SPIRE2: variants seen among roughly 807,000 people sequenced by gnomAD.
SPIRE2 encodes the protein protein spire homolog 2.
A neutral mutation model predicts 80.7 loss-of-function variants in SPIRE2; 76 were observed. The observed-to-expected ratio is 0.94, with a 90% confidence interval of 0.78 to 1.14. The LOEUF (loss-of-function observed/expected upper bound fraction) is 1.14, where lower values mean the gene tolerates loss of function less well. SPIRE2 is among the 50% of genes most tolerant of loss of function. The probability of loss-of-function intolerance (pLI) is 0.00; values close to 1 mark genes in which losing one functional copy is unlikely to be tolerated. For missense variants in SPIRE2, 1,196 were observed against 1,015.3 expected (o/e 1.18, Z -2.42); for synonymous variants, 535 against 432.6 (o/e 1.24, Z -2.94).
At chr16:89,858,609 G>A (rs12932452) in intron 8 of SPIRE2, 102 bp downstream of exon 8, 3 of 1,173,444 alleles carry the variant, frequency 2.6e-6, no homozygotes, top group Admixed American at 3.0e-5. Context: ...AGCAATTGCG[G>A]TGTCTCCTGT....
chr16:89,836,455 C>T (rs527867722), intron 1 of SPIRE2: 312 of 315,226 alleles, frequency 9.9e-4, no homozygotes, highest in Non-Finnish European at 1.7e-3. Flanking sequence ...CGTCTCTCTC[C>T]ATCCTCCCTT....
At position 89,842,208 on chromosome 16, in the gene SPIRE2, A is replaced by ATTTTTTTTTTTTTTTTTTTT. The variant is rs71137682; in HGVS notation, c.245-3111_245-3092dup. On this transcript the variant is annotated intron_variant, in intron 1 of 14. Transcript: ENST00000378247. ...ATACAATTAGATTCATGAACACGTA[A>ATTTTTTTTTTTTTTTTTTTT]TTTTTTTTTTTTTTTTTTTTTTGTG... 8.9e-4 allele frequency among the ~76,000 whole-genome samples: 72 copies of ATTTTTTTTTTTTTTTTTTTT among 81,306 alleles called. 16 individuals carry two copies. The highest frequency in any genetic ancestry group is 3.8e-3 in the East Asian group (6 of 1,566). 53.3% of individuals were successfully genotyped at this position (81,306 alleles called of 152,430 possible).
chr16:89,866,061 A>C (rs2041786882), intron 12 of SPIRE2, among the ~76,000 whole-genome samples: 1 of 149,932 alleles, frequency 6.7e-6, no homozygotes, highest in Non-Finnish European at 1.5e-5. Flanking sequence ...AGGTGGGAGG[A>C]TCACTTGAGC....
intron 13 of SPIRE2, 31 bp downstream of exon 13, chr16:89,868,247 A>T (rs753411446): frequency 4.3e-6 from 7 of 1,612,878 alleles, no homozygotes; most frequent in Non-Finnish European, 5.9e-6. Context: ...CTGGGGTCTG[A>T]GCAAGGCAGA....
intron 7 of SPIRE2, 113 bp downstream of exon 7, chr16:89,856,349 C>A: frequency 8.8e-7 from 1 of 1,137,744 alleles, no homozygotes; most frequent in Non-Finnish European, 1.2e-6. Flanking sequence ...GCGCCTGAAC[C>A]CATGGAAGAC....
At chr16:89,844,781 C>T (rs1448909141) in intron 1 of SPIRE2, among the ~76,000 whole-genome samples, 1 of 152,186 alleles carries the variant, frequency 6.6e-6, no homozygotes, top group African/African-American at 2.4e-5. Context: ...CAGGGGCTTA[C>T]TATGTTGTCC....
intron 12 of SPIRE2, among the ~76,000 whole-genome samples, chr16:89,865,965 C>CA (rs376787173): frequency 0.33 from 18,839 of 57,256 alleles, 3,243 homozygotes; most frequent in Middle Eastern, 0.42. Flanking sequence ...GAGACTGTCT[C>CA]AAAAAAAAAA....
In SPIRE2 at chr16:89,856,077, TGCTTCCCCACCGCAGGTCTC is replaced by T. The variant is rs1555597825; in HGVS notation, c.979-15_983del. 8 of 1,594,936 alleles carry T rather than the reference TGCTTCCCCACCGCAGGTCTC, an allele frequency of 5.0e-6. No individual in the cohort carries two copies. Among genetic ancestry groups the T allele is most frequent in the South Asian group, 1.1e-5 (1 of 89,976 alleles). Reference sequence around the variant, plus strand: ...GGTCCCGCTTCCCCACCGCAGGTCCTGCTTCCCCACCGCAGGTCTCGCTTCCCCACCGCAGGTCTCTGAGA... The same window carrying T: ...GGTCCCGCTTCCCCACCGCAGGTCCTGCTTCCCCACCGCAGGTCTCTGAGA... On this transcript the variant is annotated splice_polypyrimidine_tract_variant and intron_variant, in intron 6 of 14. Coordinates refer to ENST00000378247, the MANE Select transcript of SPIRE2 (RefSeq NM_032451.2).
rs746735318 is a variant in SPIRE2 at position 89,858,446 on chromosome 16, G to T, written c.1211G>T (p.Arg404Leu). ...TDAGGSAQRP[R>L]PRVLLKAPTL... ...GCTGGGGGCAGCGCCCAGCGCCCGCGGCCCCGCGTGCTGCTCAAGGCGCCT... is the reference window on the plus strand; with the variant it reads ...GCTGGGGGCAGCGCCCAGCGCCCGCTGCCCCGCGTGCTGCTCAAGGCGCCT... Residue 404 changes from arginine (R) to leucine (L), a missense_variant, in exon 8 of 15, where the codon CGG becomes CTG. By Grantham distance (102) the Arg-to-Leu change is moderately radical. Transcript: ENST00000378247. 1 of 1,611,386 alleles carries T rather than the reference G, an allele frequency of 6.2e-7. No homozygotes were observed. The highest frequency in any genetic ancestry group is 8.5e-7 in the Non-Finnish European group (1 of 1,179,432).
chr16:89,832,660 C>A (rs970343558), intron 1 of SPIRE2, among the ~76,000 whole-genome samples: 2 of 152,254 alleles, frequency 1.3e-5, no homozygotes, highest in East Asian at 3.9e-4. Flanking sequence ...TTCTATTGCA[C>A]CCTGGGAGGA....
chr16:89,840,802 A>AT (rs1567670609), intron 1 of SPIRE2, among the ~76,000 whole-genome samples: 2 of 146,350 alleles, frequency 1.4e-5, no homozygotes, highest in South Asian at 4.4e-4. Context: ...CGCCCAGCTT[A>AT]TTTTTTTGTA....
chr16:89,836,116 A>G (rs1000135075), intron 1 of SPIRE2: 6 of 441,174 alleles, frequency 1.4e-5, no homozygotes, highest in Admixed American at 4.8e-5. Context: ...CGGAGGTTGT[A>G]GTGAGTCGAG....
chr16:89,848,329 G>C lies in SPIRE2; in HGVS notation c.289-1975G>C, dbSNP rs1226722658. On this transcript the variant is annotated intron_variant, in intron 2 of 14. Transcript: ENST00000378247. ...TGACCTTGATTCTAGGATGTGTCTTGCCCGCCTACAGCAGAGATGAGATAA... is the reference window on the plus strand; with the variant it reads ...TGACCTTGATTCTAGGATGTGTCTTCCCCGCCTACAGCAGAGATGAGATAA... Among the ~76,000 whole-genome samples, 5 of 152,362 alleles carry C rather than the reference G, an allele frequency of 3.3e-5. No individual in the cohort carries two copies. In the East Asian group the frequency reaches 9.6e-4, roughly 29 times the overall value.
At chr16:89,836,216 T>G (rs1397050862) in intron 1 of SPIRE2, 3 of 455,766 alleles carry the variant, frequency 6.6e-6, no homozygotes, top group South Asian at 4.6e-5. Context: ...CTCTTACAGT[T>G]GAAGAGGTCA....
rs1441209880 is a variant in SPIRE2, at chr16:89,870,127, A to C, written c.2000A>C (p.Asp667Ala). The change falls in exon 15 of 15, where the codon GAT becomes GCT. Residue 667 changes from aspartate (D) to alanine (A), a missense_variant. Asp to Ala is a moderately radical substitution (Grantham distance 126). Coordinates refer to ENST00000378247, the MANE Select transcript of SPIRE2 (RefSeq NM_032451.2). The part of the protein sequence containing the change: ...HIYSHGCVLK[D>A]VCSECTSFVA... Reference sequence around the variant, plus strand: ...TACTCCCACGGCTGTGTCCTGAAGGATGTCTGCAGTGAGTGCACCAGCTTT... The same window carrying C: ...TACTCCCACGGCTGTGTCCTGAAGGCTGTCTGCAGTGAGTGCACCAGCTTT... The C allele has an allele frequency of 6.2e-7, 1 of 1,613,392 alleles. No individual in the cohort carries two copies. Among genetic ancestry groups the C allele is most frequent in the Admixed American group, 1.7e-5 (1 of 59,932 alleles).
At chr16:89,842,230 T>TTTTTTTTTTTTTTTG (rs1190281257) in intron 1 of SPIRE2, among the ~76,000 whole-genome samples, 1 of 134,772 alleles carries the variant, frequency 7.4e-6, no homozygotes, top group Non-Finnish European at 1.5e-5. Context: ...TTTTTTTTTT[T>TTTTTTTTTTTTTTTG]GTGACGGAGT....
rs1408476417 is a variant in SPIRE2 at position 89,828,690 on chromosome 16, G to A, written c.140G>A (p.Gly47Asp). 1.5e-6 allele frequency: 2 copies of A among 1,299,006 alleles called. No individual in the cohort carries two copies. Among genetic ancestry groups the A allele is most frequent in the Admixed American group, 3.0e-5 (1 of 33,396 alleles). 80.5% of individuals were successfully genotyped at this position (1,299,006 alleles called of 1,614,324 possible). The change falls in exon 1 of 15, where the codon GGC becomes GAC. Residue 47 changes from glycine (G) to aspartate (D), a missense_variant. Gly to Asp is a moderately conservative substitution (Grantham distance 94, BLOSUM62 -1). Coordinates refer to ENST00000378247, the MANE Select transcript of SPIRE2 (RefSeq NM_032451.2). The surrounding 1 kb of genome is among the most constrained non-coding windows in gnomAD (Gnocchi z 5.9). ...CAGGCGTGGGCCGTGTGCTTCCAGGGCTGCCGCGGGCTGCGGGGCTCGCCG... is the reference window on the plus strand; with the variant it reads ...CAGGCGTGGGCCGTGTGCTTCCAGGACTGCCGCGGGCTGCGGGGCTCGCCG... ...EEQAWAVCFQ[G>D]CRGLRGSPGR...
rs532572080 is a variant in SPIRE2, at chr16:89,871,085, C to T, written c.*813C>T. ...TGGGCGACAGAGCGAGACTCTGTCT[C>T]GAAAAAAAAAAAGGTCCGTGCCAAG... On this transcript the variant is annotated 3_prime_UTR_variant, in exon 15 of 15. Coordinates refer to ENST00000378247, the MANE Select transcript of SPIRE2 (RefSeq NM_032451.2). The T allele has an allele frequency of 1.3e-5, 2 of 148,420 alleles. No homozygotes were observed. The highest frequency in any genetic ancestry group is 4.9e-5 in the African/African-American group (2 of 40,742). The allele number at this position is 148,420 out of a possible 1,614,324, so 9.2% of individuals were successfully genotyped here. A position where few individuals can be genotyped will look rare whatever the true frequency, so the allele number is the denominator to read the frequency against.
chr16:89,863,644 C>T lies in SPIRE2; in HGVS notation c.1710+34C>T, dbSNP rs2041763555. ...GCCTAGACGTGGGGCTACGCTCTTG[C>T]CCGCTGGGTCAGGGGCGGGTGCCGA... On this transcript the variant is annotated intron_variant, in intron 11 of 14. Transcript: ENST00000378247. This position sits in a 1 kb window ranked among gnomAD's most constrained non-coding sequence, Gnocchi z 4.3. 3 of 1,613,798 alleles carry T rather than the reference C, an allele frequency of 1.9e-6. No homozygotes were observed. Among genetic ancestry groups the T allele is most frequent in the Admixed American group, 1.7e-5 (1 of 60,002 alleles).
Sources: allele counts gnomAD v4.1 joint callset (sites outside exome capture counted in the v4.1 genomes callset), GRCh38; gene constraint gnomAD v4.1.1; non-coding constraint Gnocchi (gnomAD v3.1); transcripts MANE v1.5; gene names NCBI Gene and HGNC (gene_info 2026-07-23, HGNC 2026-07-21).